The following APC variants were observed in gnomAD, a reference collection of about 807,000 sequenced individuals.
The protein encoded by APC is APC regulator of Wnt signaling pathway.
Under a neutral mutation model 247.0 loss-of-function variants are expected in APC, and 72 were observed. The ratio of observed to expected loss-of-function variants is 0.29; its 90% CI spans 0.24 to 0.35. The LOEUF (loss-of-function observed/expected upper bound fraction) is 0.35, where lower values mean the gene tolerates loss of function less well. APC is among the 10% of genes least tolerant of loss of function. The pLI, the probability that APC is intolerant of heterozygous loss-of-function variation, is 1.00. For missense variants in APC, 3,400 were observed against 3,360.7 expected, an observed-to-expected ratio of 1.01 and a Z score of -0.29; for synonymous variants, 1,254 against 1,162.5, an observed-to-expected ratio of 1.08 and a Z score of -1.60.
chr5:112,753,334 A>T (rs2149730910), intron 1 of APC, among the ~76,000 whole-genome samples: 1 of 152,272 alleles, frequency 6.6e-6, no homozygotes, highest in Admixed American at 6.5e-5. Context: ...ACTATGGGTG[A>T]ACCCTATATC....
rs876658536 is a variant in APC at position 112,839,401 on chromosome 5, A to G, written c.3807A>G (p.Ile1269Met). Reference protein sequence around the residue: ...IQTYCVEDTPICFSRCSSLSS... With the variant: ...IQTYCVEDTPMCFSRCSSLSS... ...CTTATTGTGTAGAAGATACTCCAAT[A>G]TGTTTTTCAAGATGTAGTTCATTAT... is the stretch of plus-strand genomic sequence containing the variant. The change falls in exon 16 of 16, where the codon ATA (isoleucine) becomes ATG (methionine). Residue 1269 changes from isoleucine (I) to methionine (M), a missense_variant. Physicochemically the swap from Ile to Met is conservative, Grantham distance 10. Coordinates refer to ENST00000257430, the MANE Select transcript of APC (RefSeq NM_000038.6). This position sits in a 1 kb window ranked among gnomAD's most constrained non-coding sequence, Gnocchi z 5.0. 1.9e-6 allele frequency: 3 copies of G among 1,614,046 alleles called. No homozygotes were observed. Among genetic ancestry groups the G allele is most frequent in the Non-Finnish European group, 2.5e-6 (3 of 1,180,008 alleles).
chr5:112,748,675 A>G (rs1303248505), intron 1 of APC, among the ~76,000 whole-genome samples: 1 of 152,112 alleles, frequency 6.6e-6, no homozygotes, highest in Non-Finnish European at 1.5e-5. Flanking sequence ...CAGCCTGGCC[A>G]ACAGGTAAAA....
intron 2 of APC, among the ~76,000 whole-genome samples, chr5:112,757,441 A>C (rs1702208495): frequency 6.6e-6 from 1 of 152,078 alleles, no homozygotes; most frequent in South Asian, 2.1e-4. Context: ...CCCCCAAAAA[A>C]GGCAAAAGGA....
intron 1 of APC, chr5:112,738,427 A>C: frequency 1.0e-6 from 1 of 985,864 alleles, no homozygotes; most frequent in South Asian, 4.7e-5. Flanking sequence ...TAGTGGAAAG[A>C]GCTACTGGGG....
At chr5:112,788,296 C>G (rs1348827490) in intron 6 of APC, among the ~76,000 whole-genome samples, 1 of 152,144 alleles carries the variant, frequency 6.6e-6, no homozygotes, top group Admixed American at 6.5e-5. Context: ...ATGTCAGCTT[C>G]TAATTCAGAT....
intron 2 of APC, among the ~76,000 whole-genome samples, chr5:112,759,354 TTC>T (rs1755381395): frequency 1.4e-5 from 2 of 146,996 alleles, no homozygotes; most frequent in Admixed American, 6.7e-5. Flanking sequence ...CTTTCTTTCT[TTC>T]TTTTTTTTTT....
intron 7 of APC, among the ~76,000 whole-genome samples, chr5:112,797,353 G>A (rs1266688873): frequency 6.6e-6 from 1 of 152,124 alleles, no homozygotes; most frequent in African/African-American, 2.4e-5. Context: ...AGAAAATTGG[G>A]GATTGGACAC....
At chr5:112,748,276 T>C (rs1485456980) in intron 1 of APC, among the ~76,000 whole-genome samples, 1 of 151,924 alleles carries the variant, frequency 6.6e-6, no homozygotes, top group African/African-American at 2.4e-5. Flanking sequence ...GGGGCCTTAG[T>C]AGGGAAGAGA....
chr5:112,821,392 A>C (rs535412318), intron 10 of APC, among the ~76,000 whole-genome samples: 1 of 152,158 alleles, frequency 6.6e-6, no homozygotes, highest in East Asian at 1.9e-4. Context: ...CTGTAGTCCT[A>C]GCTGCTCCGG....
At chr5:112,759,793 A>T (rs774753771) in intron 2 of APC, among the ~76,000 whole-genome samples, 77 of 152,248 alleles carry the variant, frequency 5.1e-4, no homozygotes, top group Admixed American at 9.8e-4. Flanking sequence ...TCAAAATTAC[A>T]TATGTATTTA....
chr5:112,755,030 C>G lies in APC; in HGVS notation c.135+5C>G, dbSNP rs1754805687. 4 of 1,613,270 alleles carry G rather than the reference C, an allele frequency of 2.5e-6. No homozygotes were observed. The highest frequency in any genetic ancestry group is 2.2e-5 in the East Asian group (1 of 44,804). On this transcript the variant is annotated splice_donor_5th_base_variant and intron_variant, in intron 2 of 15. Coordinates refer to ENST00000257430, the MANE Select transcript of APC (RefSeq NM_000038.6). Reference sequence around the variant, plus strand: ...ACTGAGGCATCTAATATGAAGGTATCAAGACTGTGACTTTTAATTGTAGTT... The same window carrying G: ...ACTGAGGCATCTAATATGAAGGTATGAAGACTGTGACTTTTAATTGTAGTT...
In APC at chr5:112,755,026, G is replaced by A. The variant is rs750508765; in HGVS notation, c.135+1G>A. The A allele has an allele frequency of 1.2e-6, 2 of 1,613,356 alleles. No homozygotes were observed. The highest frequency in any genetic ancestry group is 1.7e-6 in the Non-Finnish European group (2 of 1,179,506). On this transcript the variant is annotated splice_donor_variant, in intron 2 of 15. Transcript: ENST00000257430. LOFTEE classifies it high-confidence loss of function. The stretch of plus-strand genomic sequence containing the variant: ...GGAAACTGAGGCATCTAATATGAAG[G>A]TATCAAGACTGTGACTTTTAATTGT...
At chr5:112,808,990 G>A (rs981887162) in intron 8 of APC, among the ~76,000 whole-genome samples, 2 of 152,124 alleles carry the variant, frequency 1.3e-5, no homozygotes, top group Non-Finnish European at 2.9e-5. Flanking sequence ...GTTTGTGAGA[G>A]AAAATAATGA....
chr5:112,803,756 G>A (rs563681665), intron 8 of APC, among the ~76,000 whole-genome samples: 4 of 152,258 alleles, frequency 2.6e-5, no homozygotes, highest in South Asian at 2.1e-4. Context: ...CCTATATGGT[G>A]CATCCATGCA....
At chr5:112,769,239 TG>T (rs1413646622) in intron 4 of APC, among the ~76,000 whole-genome samples, 2 of 151,830 alleles carry the variant, frequency 1.3e-5, no homozygotes. Context: ...TTAGTAGAGA[TG>T]GGATTTCACC....
Position 112,707,709 on chromosome 5 carries a change from G to A in APC, c.-9G>A, listed in dbSNP as rs1750599420. ...CACTCAGTTGCCTTCTCGGGCCTCG[G>A]CGCCCCCTATGTACGCCTCCCTGGG... On this transcript the variant is annotated 5_prime_UTR_variant, in exon 1 of 14. Coordinates refer to the APC transcript ENST00000507379. 1.5e-6 allele frequency: 2 copies of A among 1,370,652 alleles called. 1 individual carries two copies. The highest frequency in any genetic ancestry group is 2.4e-5 in the South Asian group (2 of 81,724). The allele number at this position is 1,370,652 out of a possible 1,614,324, so 84.9% of individuals were successfully genotyped here.
chr5:112,829,923 A>C (rs896425286), intron 14 of APC: 1 of 152,180 alleles, frequency 6.6e-6, no homozygotes, highest in Admixed American at 6.5e-5. Flanking sequence ...TCTGCTTCAG[A>C]AACTAGGCTA....
chr5:112,824,465 A>G (rs1437635880), intron 11 of APC, among the ~76,000 whole-genome samples: 1 of 152,102 alleles, frequency 6.6e-6, no homozygotes, highest in Non-Finnish European at 1.5e-5. Context: ...TTCTTTTTTT[A>G]TTAGCCATGT....
intron 5 of APC, among the ~76,000 whole-genome samples, chr5:112,778,974 C>T (rs910089116): frequency 6.6e-6 from 1 of 151,994 alleles, no homozygotes; most frequent in Non-Finnish European, 1.5e-5. Context: ...GAGAGAAAAC[C>T]GTTTTGAAAA....
Sources: allele counts gnomAD v4.1 joint callset (sites outside exome capture counted in the v4.1 genomes callset), GRCh38; gene constraint gnomAD v4.1.1; non-coding constraint Gnocchi (gnomAD v3.1); transcripts MANE v1.5; gene names NCBI Gene and HGNC (gene_info 2026-07-23, HGNC 2026-07-21).